The following GRIA3 variants were observed in gnomAD, a reference collection of about 807,000 sequenced individuals.
GRIA3 encodes glutamate receptor 3.
In GRIA3, 3 loss-of-function variants were observed where a neutral mutation model predicts 63.0. The ratio of observed to expected loss-of-function variants is 0.05; its 90% CI spans 0.02 to 0.12. The LOEUF is 0.12. Ranked by LOEUF, GRIA3 falls within the 10% of genes least tolerant of loss-of-function variation. GRIA3 has a pLI of 1.00. For synonymous variants in GRIA3, 274 were observed against 257.9 expected, an observed-to-expected ratio of 1.06 and a Z score of -0.60; for missense variants, 347 against 700.9, an observed-to-expected ratio of 0.50 and a Z score of 5.70.
intron 3 of GRIA3, among the ~76,000 whole-genome samples, chrX:123,277,977 G>A (rs1182232965): frequency 8.9e-6 from 1 of 111,785 alleles, no homozygotes; most frequent in Non-Finnish European, 1.9e-5. Context: ...TTTGAAATTC[G>A]AATCAAGCTT....
chrX:123,372,457 T>C (rs2045253157), intron 5 of GRIA3, among the ~76,000 whole-genome samples: 1 of 112,257 alleles, frequency 8.9e-6, no homozygotes, highest in Non-Finnish European at 1.9e-5. Context: ...TGTAGATTTC[T>C]TTGAGTAGTA....
At chrX:123,270,641 C>T (rs1354969342) in intron 3 of GRIA3, among the ~76,000 whole-genome samples, 1 of 112,318 alleles carries the variant, frequency 8.9e-6, no homozygotes, top group Non-Finnish European at 1.9e-5. Flanking sequence ...AATCCCAGCT[C>T]TGACAGAGAT....
intron 13 of GRIA3, among the ~76,000 whole-genome samples, chrX:123,473,146 A>G (rs766002212): frequency 6.5e-4 from 73 of 112,063 alleles, no homozygotes; most frequent in African/African-American, 2.3e-3. Context: ...GGCTGATCCA[A>G]GGATAGAAGG....
chrX:123,186,288 CT>C (rs1168164042), intron 2 of GRIA3, among the ~76,000 whole-genome samples: 16 of 105,279 alleles, frequency 1.5e-4, no homozygotes, highest in Middle Eastern at 4.7e-3. Flanking sequence ...CACTCTCTCT[CT>C]TTTTTTTTTA....
At chrX:123,402,272 T>C (rs1289706797) in intron 7 of GRIA3, among the ~76,000 whole-genome samples, 1 of 110,957 alleles carries the variant, frequency 9.0e-6, no homozygotes, top group Non-Finnish European at 1.9e-5. Flanking sequence ...GGCAAATGTG[T>C]AACCCTCTCA....
At chrX:123,185,211 A>T (rs1211642102) in intron 1 of GRIA3, among the ~76,000 whole-genome samples, 1 of 111,615 alleles carries the variant, frequency 9.0e-6, no homozygotes, top group Non-Finnish European at 1.9e-5. Context: ...GGGTGAGACT[A>T]GGAGCTGAGC....
rs1467835840 is a variant in GRIA3 at position 123,412,523 on chromosome X, G to T, written c.1501-4879G>T. Among the ~76,000 whole-genome samples the T allele has an allele frequency of 3.6e-5, 4 of 111,682 alleles. No homozygotes were observed. In the Admixed American group the frequency reaches 3.8e-4, roughly 11 times the overall value. On this transcript the variant is annotated intron_variant, in intron 10 of 15. Coordinates refer to ENST00000620443, the MANE Select transcript of GRIA3 (RefSeq NM_007325.5). The stretch of plus-strand genomic sequence containing the variant: ...TACATGCGGCCAAAAACTGCCTGTG[G>T]GAATAGTGGTGATAGAGGGCAAGGG...
chrX:123,423,627 T>A (rs965486210), intron 11 of GRIA3, among the ~76,000 whole-genome samples: 4 of 112,065 alleles, frequency 3.6e-5, no homozygotes, highest in Non-Finnish European at 5.6e-5. Context: ...GCACATTTTT[T>A]AAAAATCTGC....
At chrX:123,254,239 G>C (rs1412288033) in intron 3 of GRIA3, among the ~76,000 whole-genome samples, 1 of 111,729 alleles carries the variant, frequency 9.0e-6, no homozygotes, top group African/African-American at 3.3e-5. Context: ...CTAATAGTGA[G>C]ACAATATATT....
chrX:123,418,075 T>A (rs1198232725), intron 11 of GRIA3: 2 of 268,096 alleles, frequency 7.5e-6, no homozygotes, highest in Non-Finnish European at 1.3e-5. Context: ...ATAAAGTAAA[T>A]ACTAAATCTT....
intron 4 of GRIA3, among the ~76,000 whole-genome samples, chrX:123,336,829 T>C (rs1436336674): frequency 9.0e-6 from 1 of 111,534 alleles, no homozygotes; most frequent in African/African-American, 3.3e-5. Flanking sequence ...AGCCATAAAC[T>C]ATAAAAATCC....
At chrX:123,446,826 T>C (rs1487354273) in intron 12 of GRIA3, among the ~76,000 whole-genome samples, 3 of 111,435 alleles carry the variant, frequency 2.7e-5, no homozygotes, top group African/African-American at 9.8e-5. Context: ...AGAGCTGGGA[T>C]AGAAGGCAAT....
chrX:123,240,483 C>T (rs1164763903), intron 2 of GRIA3, among the ~76,000 whole-genome samples: 2 of 111,691 alleles, frequency 1.8e-5, no homozygotes, highest in African/African-American at 6.5e-5. Context: ...GTGAAGATGG[C>T]TTTTCAAGAG....
chrX:123,322,934 A>G (rs1181913496), intron 3 of GRIA3, among the ~76,000 whole-genome samples: 1 of 112,544 alleles, frequency 8.9e-6, no homozygotes, highest in Non-Finnish European at 1.9e-5. Flanking sequence ...AAAGAACAAA[A>G]GTATAAAAAG....
intron 3 of GRIA3, among the ~76,000 whole-genome samples, chrX:123,324,075 G>A (rs1020152456): frequency 9.0e-6 from 1 of 111,639 alleles, no homozygotes; most frequent in Admixed American, 9.5e-5. Flanking sequence ...GGACTGGGAC[G>A]TCTTTAGCCT....
At chrX:123,248,788 A>T (rs984119145) in intron 2 of GRIA3, among the ~76,000 whole-genome samples, 1 of 111,946 alleles carries the variant, frequency 8.9e-6, no homozygotes, top group Admixed American at 9.5e-5. Context: ...CTCCATCTCA[A>T]AAAAAGAAAG....
intron 13 of GRIA3, among the ~76,000 whole-genome samples, chrX:123,471,068 G>A (rs1382002369): frequency 1.8e-5 from 2 of 111,547 alleles, no homozygotes; most frequent in Non-Finnish European, 3.8e-5. Flanking sequence ...CTCTTCGTTG[G>A]TTTGCATGAT....
At chrX:123,251,714 G>C (rs1018887540) in intron 2 of GRIA3, among the ~76,000 whole-genome samples, 4 of 111,867 alleles carry the variant, frequency 3.6e-5, no homozygotes, top group Non-Finnish European at 5.6e-5. Context: ...GATTACAGGC[G>C]TGAGCCACCG....
chrX:123,480,252 G>A (rs990535681), intron 14 of GRIA3, 75 bp downstream of exon 14: 5 of 653,245 alleles, frequency 7.7e-6, no homozygotes, highest in East Asian at 6.9e-5. Context: ...ACCCTAAAAC[G>A]GCTTTCCTTC....
Sources: gnomAD v4.1 joint callset for allele counts (sites outside exome capture counted in the v4.1 genomes callset) on GRCh38, gnomAD v4.1.1 for gene constraint, MANE v1.5 for transcripts, NCBI Gene and HGNC (gene_info 2026-07-23, HGNC 2026-07-21) for gene names.